Variants in HARBI1 observed in about 807,000 individuals in gnomAD.
HARBI1 encodes putative nuclease HARBI1.
A neutral mutation model predicts 25.3 loss-of-function variants in HARBI1; 15 were observed. The observed-to-expected ratio is 0.59, with a 90% confidence interval of 0.40 to 0.91. The LOEUF (loss-of-function observed/expected upper bound fraction) is 0.91, where lower values mean the gene tolerates loss of function less well. HARBI1 is among the 40% of genes least tolerant of loss of function. The probability of loss-of-function intolerance (pLI) is 0.00; values close to 1 mark genes in which losing one functional copy is unlikely to be tolerated. For missense variants in HARBI1, 396 were observed against 445.8 expected, an observed-to-expected ratio of 0.89 and a Z score of 1.01; for synonymous variants, 168 against 160.5, an observed-to-expected ratio of 1.05 and a Z score of -0.35.
At chr11:46,614,872 C>A (rs2045314909) in intron 2 of HARBI1, among the ~76,000 whole-genome samples, 1 of 152,218 alleles carries the variant, frequency 6.6e-6, no homozygotes, top group South Asian at 2.1e-4. Flanking sequence ...AGACTCAGCT[C>A]TACAGACTGC....
At chr11:46,611,508 C>G (rs772903115) in intron 2 of HARBI1, among the ~76,000 whole-genome samples, 1 of 151,888 alleles carries the variant, frequency 6.6e-6, no homozygotes, top group African/African-American at 2.4e-5. Context: ...CCTAGGGGTT[C>G]GAGACCAGCC....
In HARBI1 at chr11:46,610,390, T is replaced by C. The variant is rs553739131; in HGVS notation, c.670+5178A>G. 4.0e-5 allele frequency among the ~76,000 whole-genome samples: 6 copies of C among 150,302 alleles called. No homozygotes were observed. In the East Asian group the frequency reaches 1.2e-3, roughly 30 times the overall value. ...AAAATAATAAAAAGGCCAGGCGCGGTGGGCTCACGCCTGTAATCCCAGCAC... is the reference window on the plus strand; with the variant it reads ...AAAATAATAAAAAGGCCAGGCGCGGCGGGCTCACGCCTGTAATCCCAGCAC... On this transcript the variant is annotated intron_variant, in intron 2 of 2. Transcript: ENST00000326737.
intron 1 of HARBI1, 91 bp from the exon 2 acceptor site, chr11:46,616,472 A>AT (rs2045480889): frequency 3.0e-6 from 4 of 1,344,766 alleles, no homozygotes; most frequent in South Asian, 1.8e-5. Context: ...ACAAATTTCC[A>AT]TTTTGTTGAG....
chr11:46,612,232 T>C (rs576859307), intron 2 of HARBI1, among the ~76,000 whole-genome samples: 1 of 152,222 alleles, frequency 6.6e-6, no homozygotes, highest in Admixed American at 6.5e-5. Context: ...GAGCCTGGGC[T>C]GAGGCCAGAG....
chr11:46,614,816 C>G (rs1306349389), intron 2 of HARBI1, among the ~76,000 whole-genome samples: 1 of 152,152 alleles, frequency 6.6e-6, no homozygotes, highest in Non-Finnish European at 1.5e-5. Flanking sequence ...AAAATTAAGG[C>G]TAAGAAAATT....
At position 46,615,645 on chromosome 11, in the gene HARBI1, T is replaced by C. The variant is rs141749998; in HGVS notation, c.593A>G (p.Gln198Arg). 972 of 1,614,112 alleles carry C rather than the reference T, an allele frequency of 6.0e-4. 7 individuals carry two copies. Among genetic ancestry groups the C allele is most frequent in the Non-Finnish European group, 2.5e-4 (290 of 1,180,040 alleles). ...AGACTGCTGCAGCACAGCACAGTCC[T>C]GTAGGCTGCCGGGCCAGTTTGTCTC... ...TVETNWPGSL[Q>R]DCAVLQQSSL... Residue 198 changes from glutamine (Q) to arginine (R), a missense_variant, in exon 2 of 3, where the codon CAG (glutamine) becomes CGG (arginine). By Grantham distance (43) the Gln-to-Arg change is conservative. Coordinates refer to ENST00000326737, the MANE Select transcript of HARBI1 (RefSeq NM_173811.4).
rs761683338 is a variant in HARBI1 at position 46,615,904 on chromosome 11, C to G, written c.334G>C (p.Val112Leu). The change falls in exon 2 of 3, where the codon GTG becomes CTG. Residue 112 changes from valine (V) to leucine (L), a missense_variant. Transcript: ENST00000326737. ...CGAATGAACTGTGAGGCCCTTTCCA[C>G]AAGTGCTTCAGTGACATTGGCAACA... is the stretch of plus-strand genomic sequence containing the variant. Reference protein sequence around the residue: ...RCVANVTEALVERASQFIRFP... With the variant: ...RCVANVTEALLERASQFIRFP... 3.1e-6 allele frequency: 5 copies of G among 1,614,204 alleles called. No individual in the cohort carries two copies. The South Asian group carries it at 5.5e-5, about 18-fold the overall frequency.
At chr11:46,608,190 C>A (rs375889644) in intron 2 of HARBI1, among the ~76,000 whole-genome samples, 66 of 152,162 alleles carry the variant, frequency 4.3e-4, no homozygotes, top group African/African-American at 1.5e-3. Flanking sequence ...TTCAGCTACT[C>A]AGGAGGCTGA....
chr11:46,616,023 T>A lies in HARBI1; in HGVS notation c.215A>T (p.Gln72Leu). ...ATAAAAACCCAATGCTGCAAGGACC[T>A]GTGTCTCTGGGCTAATAGCCCTGGA... ...QRSRAISPET[Q>L]VLAALGFYTS... Residue 72 changes from glutamine to leucine, a missense_variant, in exon 2 of 3, where the codon CAG (glutamine) becomes CTG (leucine). Transcript: ENST00000326737. 6.2e-7 allele frequency: 1 copy of A among 1,614,198 alleles called. No homozygotes were observed. The highest frequency in any genetic ancestry group is 1.1e-5 in the South Asian group (1 of 91,080).
intron 2 of HARBI1, among the ~76,000 whole-genome samples, chr11:46,604,928 C>T (rs2044879490): frequency 6.6e-6 from 1 of 152,152 alleles, no homozygotes; most frequent in Non-Finnish European, 1.5e-5. Context: ...CCAGGAAGTG[C>T]TAACAAAACA....
chr11:46,617,685 G>A, upstream of HARBI1: 1 of 396,716 alleles, frequency 2.5e-6, no homozygotes, highest in Non-Finnish European at 4.4e-6. Flanking sequence ...CGACGTGGGT[G>A]CGACAACTCG....
Position 46,616,324 on chromosome 11 carries a change from G to GT in HARBI1, c.-88dup. 3 of 1,512,050 alleles carry GT rather than the reference G, an allele frequency of 2.0e-6. No homozygotes were observed. Among genetic ancestry groups the GT allele is most frequent in the Non-Finnish European group, 2.6e-6 (3 of 1,139,228 alleles). 93.7% of individuals were successfully genotyped at this position (1,512,050 alleles called of 1,614,324 possible). A position where few individuals can be genotyped will look rare whatever the true frequency, so the allele number is the denominator to read the frequency against. On this transcript the variant is annotated 5_prime_UTR_variant, in exon 2 of 3. Coordinates refer to ENST00000326737, the MANE Select transcript of HARBI1 (RefSeq NM_173811.4). ...GGTGCAAGAACGTATTTTTAAGAAA[G>GT]TATCAGAATCCAACAGCTAACCACA...
intron 1 of HARBI1, 136 bp from the exon 2 acceptor site, chr11:46,616,517 C>T: frequency 8.3e-7 from 1 of 1,205,910 alleles, no homozygotes; most frequent in South Asian, 2.5e-5. Flanking sequence ...CCGGATTTTT[C>T]TCCACTAACT....
intron 1 of HARBI1, chr11:46,616,853 A>T: frequency 1.0e-6 from 1 of 964,670 alleles, no homozygotes; most frequent in Non-Finnish European, 1.2e-6. Context: ...AAAAAAAAAA[A>T]AAAAAAAAAC....
intron 2 of HARBI1, among the ~76,000 whole-genome samples, chr11:46,609,831 A>AG: frequency 6.6e-6 from 1 of 150,926 alleles, no homozygotes; most frequent in Non-Finnish European, 1.5e-5. Flanking sequence ...TACAAAAAAA[A>AG]AAATAAATAA....
upstream of HARBI1, chr11:46,617,548 C>CCG (rs1555033284): frequency 8.0e-6 from 2 of 248,688 alleles, no homozygotes; most frequent in African/African-American, 6.0e-5. Context: ...TCACCCCCCC[C>CCG]CCCCGGCCAT....
In HARBI1 at chr11:46,603,524, T is replaced by C. The variant is rs1409411825; in HGVS notation, c.*6A>G. On this transcript the variant is annotated 3_prime_UTR_variant, in exon 3 of 3. Coordinates refer to ENST00000326737, the MANE Select transcript of HARBI1 (RefSeq NM_173811.4). ...TGGGAAGTATCCCTCCTCTCCACCT[T>C]CTACATTAGCTAAAATGAGTGAGCA... 2 of 1,572,464 alleles carry C rather than the reference T, an allele frequency of 1.3e-6. No individual in the cohort carries two copies. Among genetic ancestry groups the C allele is most frequent in the Admixed American group, 1.8e-5 (1 of 56,668 alleles).
chr11:46,616,685 T>A lies in HARBI1; in HGVS notation c.-144-304A>T, dbSNP rs529996202. ...TAAAAGAGGTCGGCTTCTAACTATA[T>A]AGGCCAAGAAGCAGCTGACATATGT... On this transcript the variant is annotated intron_variant, in intron 1 of 2. Coordinates refer to ENST00000326737, the MANE Select transcript of HARBI1 (RefSeq NM_173811.4). The A allele has an allele frequency of 5.0e-6, 5 of 996,598 alleles. No individual in the cohort carries two copies. In the Admixed American group the frequency reaches 2.2e-4, roughly 44 times the overall value. 61.7% of individuals were successfully genotyped at this position (996,598 alleles called of 1,614,324 possible).
chr11:46,604,668 C>A, intron 2 of HARBI1: 1 of 985,020 alleles, frequency 1.0e-6, no homozygotes, highest in Non-Finnish European at 1.2e-6. Flanking sequence ...TTTATTCTCC[C>A]AGTGCTAAGA....
Sources: allele counts gnomAD v4.1 joint callset (sites outside exome capture counted in the v4.1 genomes callset), GRCh38; gene constraint gnomAD v4.1.1; transcripts MANE v1.5; gene names NCBI Gene and HGNC (gene_info 2026-07-23, HGNC 2026-07-21).